Variants in SDC2 observed in about 807,000 individuals in gnomAD.
SDC2 encodes syndecan 2, also known as syndecan-2.
SDC2 carries 13 observed loss-of-function variants against 22.2 expected under a neutral mutation model. That is an observed-to-expected ratio of 0.59 (90% CI 0.38 to 0.93). SDC2 has a LOEUF of 0.93. SDC2 is among the 40% of genes least tolerant of loss of function. The pLI is 0.00. For missense variants in SDC2, 235 were observed against 246.8 expected (o/e 0.95, Z 0.32); for synonymous variants, 94 against 92.8 (o/e 1.01, Z -0.07).
At chr8:96,572,523 T>A (rs1814413882) in intron 1 of SDC2, among the ~76,000 whole-genome samples, 1 of 152,182 alleles carries the variant, frequency 6.6e-6, no homozygotes, top group African/African-American at 2.4e-5. Flanking sequence ...AAAAGTTGAC[T>A]GGGTACTTTG....
chr8:96,497,374 A>G (rs1563637444), intron 1 of SDC2, among the ~76,000 whole-genome samples: 1 of 152,180 alleles, frequency 6.6e-6, no homozygotes, highest in Non-Finnish European at 1.5e-5. Context: ...ATGTCATTTA[A>G]GAAGGAAAGA....
chr8:96,592,628 T>G (rs1414703058), intron 1 of SDC2, among the ~76,000 whole-genome samples: 3 of 152,088 alleles, frequency 2.0e-5, no homozygotes, highest in Non-Finnish European at 4.4e-5. Context: ...TTTGGCAGGA[T>G]TAGGTTGAAT....
At chr8:96,583,835 T>G (rs538562932) in intron 1 of SDC2, among the ~76,000 whole-genome samples, 1 of 152,260 alleles carries the variant, frequency 6.6e-6, no homozygotes, top group Non-Finnish European at 1.5e-5. Flanking sequence ...TGGTATATGA[T>G]TTTTAATGGC....
chr8:96,501,886 A>T (rs1813171376), intron 1 of SDC2, among the ~76,000 whole-genome samples: 1 of 152,110 alleles, frequency 6.6e-6, no homozygotes, highest in Non-Finnish European at 1.5e-5. Context: ...AAATACTTCT[A>T]ATTTTATTAT....
intron 1 of SDC2, among the ~76,000 whole-genome samples, chr8:96,506,589 A>G (rs1226954036): frequency 1.3e-5 from 2 of 151,942 alleles, no homozygotes; most frequent in East Asian, 1.9e-4. Flanking sequence ...GCATTTTACT[A>G]CCTCAGCCTC....
Position 96,577,643 on chromosome 8 carries a change from G to T in SDC2, c.61-15837G>T, listed in dbSNP as rs138408631. ...CACCTTGTATTATACACTTACATGA[G>T]TTTTGACAAATGCATAATGTCGTGT... On this transcript the variant is annotated intron_variant, in intron 1 of 4. Transcript: ENST00000302190. Among the ~76,000 whole-genome samples, 5 of 152,308 alleles carry T rather than the reference G, an allele frequency of 3.3e-5. No homozygotes were observed. The East Asian group carries it at 9.6e-4, about 29-fold the overall frequency.
chr8:96,495,957 C>T (rs1330770847), intron 1 of SDC2, among the ~76,000 whole-genome samples: 1 of 152,222 alleles, frequency 6.6e-6, no homozygotes, highest in African/African-American at 2.4e-5. Context: ...TTAGGATGAA[C>T]TTTGGCTCTT....
In SDC2 at chr8:96,537,303, A is replaced by G. The variant is rs575838500; in HGVS notation, c.60+42972A>G. On this transcript the variant is annotated intron_variant, in intron 1 of 4. Transcript: ENST00000302190. ...CTAATGTTTTTTCTTTTTTTAGATA[A>G]GGAAAAAAACCCCACTCTGATTCTA... is the stretch of plus-strand genomic sequence containing the variant. The G allele has an allele frequency of 7.9e-5, 12 of 152,274 alleles. No individual in the cohort carries two copies. The South Asian group carries it at 1.7e-3, about 21-fold the overall frequency. The allele number at this position is 152,274 out of a possible 1,614,324, so 9.4% of individuals were successfully genotyped here.
At chr8:96,602,604 C>T in intron 3 of SDC2, 76 bp downstream of exon 3, 2 of 1,486,120 alleles carry the variant, frequency 1.3e-6, no homozygotes, top group Admixed American at 3.7e-5. Context: ...ACACAACAGT[C>T]CCTTTTGTAT....
intron 1 of SDC2, among the ~76,000 whole-genome samples, chr8:96,577,104 C>T (rs563190243): frequency 3.3e-5 from 5 of 152,186 alleles, no homozygotes; most frequent in Admixed American, 6.5e-5. Flanking sequence ...ATCTTGCTTT[C>T]TTGCTTGATG....
chr8:96,599,222 C>T (rs201965542), intron 2 of SDC2, among the ~76,000 whole-genome samples: 5 of 152,018 alleles, frequency 3.3e-5, no homozygotes, highest in East Asian at 3.9e-4. Flanking sequence ...ATTGCAGGCG[C>T]GAGCTACTGT....
chr8:96,610,290 AC>A lies in SDC2; in HGVS notation c.*745del, dbSNP rs986458219. Reference sequence around the variant, plus strand: ...GTAAGTTACTGACAAGCCTCAGCAAACCCAAAGATGTTAACAGTATTTTAAG... The same window carrying A: ...GTAAGTTACTGACAAGCCTCAGCAAACCAAAGATGTTAACAGTATTTTAAG... On this transcript the variant is annotated 3_prime_UTR_variant, in exon 5 of 5. Coordinates refer to ENST00000302190, the MANE Select transcript of SDC2 (RefSeq NM_002998.4). 1.3e-5 allele frequency: 2 copies of A among 152,628 alleles called. No individual in the cohort carries two copies. The highest frequency in any genetic ancestry group is 4.8e-5 in the African/African-American group (2 of 41,460). 9.5% of individuals were successfully genotyped at this position (152,628 alleles called of 1,614,324 possible).
intron 1 of SDC2, among the ~76,000 whole-genome samples, chr8:96,539,861 A>G (rs2130508616): frequency 6.6e-6 from 1 of 152,188 alleles, no homozygotes; most frequent in East Asian, 1.9e-4. Flanking sequence ...GTATAATTTA[A>G]CCCTTACCTA....
At chr8:96,535,361 A>G (rs1813738214) in intron 1 of SDC2, among the ~76,000 whole-genome samples, 1 of 152,240 alleles carries the variant, frequency 6.6e-6, no homozygotes, top group Admixed American at 6.5e-5. Flanking sequence ...ACATACTTAA[A>G]CTAAAAATTA....
At chr8:96,530,949 T>C (rs972345024) in intron 1 of SDC2, among the ~76,000 whole-genome samples, 4 of 152,114 alleles carry the variant, frequency 2.6e-5, no homozygotes, top group African/African-American at 7.2e-5. Flanking sequence ...ATGGCACACA[T>C]TGAAAAGGTG....
intron 1 of SDC2, among the ~76,000 whole-genome samples, chr8:96,581,402 G>A (rs954598119): frequency 7.2e-5 from 11 of 152,186 alleles, no homozygotes; most frequent in African/African-American, 2.4e-4. Context: ...GCTGAGGCGG[G>A]CAGATCACTT....
At chr8:96,606,524 G>A (rs1470372155) in intron 3 of SDC2, among the ~76,000 whole-genome samples, 1 of 152,210 alleles carries the variant, frequency 6.6e-6, no homozygotes, top group Non-Finnish European at 1.5e-5. Flanking sequence ...GTAAAAGTCA[G>A]TGCCAGCTAC....
chr8:96,496,192 C>T (rs909961091), intron 1 of SDC2, among the ~76,000 whole-genome samples: 1 of 152,124 alleles, frequency 6.6e-6, no homozygotes, highest in Non-Finnish European at 1.5e-5. Flanking sequence ...CTGTCTTCTG[C>T]TCCTCTGGGT....
At chr8:96,535,324 C>T (rs1586286229) in intron 1 of SDC2, among the ~76,000 whole-genome samples, 1 of 152,142 alleles carries the variant, frequency 6.6e-6, no homozygotes, top group Non-Finnish European at 1.5e-5. Context: ...ATTTTTTAGC[C>T]TAAGTGTGGC....
Sources: allele counts gnomAD v4.1 joint callset (sites outside exome capture counted in the v4.1 genomes callset), GRCh38; gene constraint gnomAD v4.1.1; transcripts MANE v1.5; gene names NCBI Gene and HGNC (gene_info 2026-07-23, HGNC 2026-07-21).